Variants in EYS observed in about 807,000 individuals in gnomAD.
EYS encodes the protein EGF-like photoreceptor maintenance factor, also known as protein eyes shut homolog.
In EYS, 250 loss-of-function variants were observed where a neutral mutation model predicts 282.1. The observed-to-expected ratio is 0.89, with a 90% CI of 0.80 to 0.98. The LOEUF is 0.98. Ranked by LOEUF, EYS falls within the 50% of genes least tolerant of loss-of-function variation. EYS has a pLI of 0.00. For synonymous variants in EYS, 1,355 were observed against 1,282.9 expected (o/e 1.06, Z -1.20); for missense variants, 4,016 against 3,709.0 (o/e 1.08, Z -2.15).
intron 26 of EYS, among the ~76,000 whole-genome samples, chr6:64,480,265 A>T (rs2150498824): frequency 6.6e-6 from 1 of 151,972 alleles, no homozygotes; most frequent in Admixed American, 6.6e-5. Context: ...CACCTCCAGG[A>T]GTTATAGTAA....
rs186709727 is a variant in EYS, at chr6:65,369,852, T to C, written c.1299+14534A>G. Among the ~76,000 whole-genome samples the C allele has an allele frequency of 2.6e-5, 4 of 151,678 alleles. No individual in the cohort carries two copies. In the Admixed American group the frequency reaches 2.7e-4, roughly 10 times the overall value. On this transcript the variant is annotated intron_variant, in intron 8 of 42. Transcript: ENST00000503581. ...AAATCACACTTGGTTCCTTCAGGGA[T>C]CTTCCTGATTCTGACTCTAACTATT...
intron 28 of EYS, among the ~76,000 whole-genome samples, chr6:64,423,080 AGGATT>A (rs1183536541): frequency 6.6e-6 from 1 of 152,136 alleles, no homozygotes; most frequent in Non-Finnish European, 1.5e-5. Flanking sequence ...TCACTCAGTA[AGGATT>A]TACTGATTTT....
intron 12 of EYS, among the ~76,000 whole-genome samples, chr6:65,161,020 A>G (rs1764839391): frequency 1.3e-5 from 2 of 150,696 alleles, no homozygotes; most frequent in Non-Finnish European, 3.0e-5. Flanking sequence ...CTAAGCCACA[A>G]AGTTTTCATG....
intron 15 of EYS, among the ~76,000 whole-genome samples, chr6:64,923,351 C>G (rs1469781194): frequency 1.3e-5 from 2 of 152,114 alleles, no homozygotes; most frequent in Non-Finnish European, 2.9e-5. Flanking sequence ...AGACCTGCCT[C>G]CATGATTCAA....
At chr6:65,480,374 AT>A (rs1418747536) in intron 5 of EYS, among the ~76,000 whole-genome samples, 1 of 152,124 alleles carries the variant, frequency 6.6e-6, no homozygotes, top group African/African-American at 2.4e-5. Context: ...CCTTATATAA[AT>A]ATACACAGAT....
intron 26 of EYS, among the ~76,000 whole-genome samples, chr6:64,586,376 A>AT (rs1020112365): frequency 2.6e-5 from 4 of 152,042 alleles, no homozygotes; most frequent in South Asian, 4.1e-4. Context: ...CACTTAATGC[A>AT]TTTTTTCCAT....
chr6:64,399,761 G>A (rs1317099133), intron 28 of EYS, among the ~76,000 whole-genome samples: 1 of 151,776 alleles, frequency 6.6e-6, no homozygotes, highest in African/African-American at 2.4e-5. Flanking sequence ...CCTGATGTAT[G>A]GAGAGTATCA....
At chr6:65,568,501 C>CA (rs1294328420) in intron 2 of EYS, among the ~76,000 whole-genome samples, 1 of 152,114 alleles carries the variant, frequency 6.6e-6, no homozygotes, top group East Asian at 1.9e-4. Flanking sequence ...AAGGCCCCCT[C>CA]ACTAGCTATT....
chr6:64,677,595 A>G (rs1039999102), intron 22 of EYS, among the ~76,000 whole-genome samples: 1 of 152,148 alleles, frequency 6.6e-6, no homozygotes, highest in Non-Finnish European at 1.5e-5. Context: ...TTTATTTTAT[A>G]GTTTGGTAAT....
chr6:63,948,226 C>T (rs1436015656), intron 35 of EYS, among the ~76,000 whole-genome samples: 1 of 152,146 alleles, frequency 6.6e-6, no homozygotes, highest in East Asian at 1.9e-4. Flanking sequence ...TGCGATCTGT[C>T]CTTTCTTTGT....
At chr6:65,545,792 G>C (rs945974791) in intron 2 of EYS, among the ~76,000 whole-genome samples, 6 of 151,920 alleles carry the variant, frequency 3.9e-5, no homozygotes, top group African/African-American at 1.4e-4. Context: ...AATTTACAAA[G>C]ACCAATTATT....
intron 31 of EYS, among the ~76,000 whole-genome samples, chr6:64,183,984 C>A (rs1764859342): frequency 6.6e-6 from 1 of 152,040 alleles, no homozygotes; most frequent in Non-Finnish European, 1.5e-5. Flanking sequence ...AAGCAAAATA[C>A]TCCCATCTTA....
chr6:64,548,499 T>TA (rs913143363), intron 26 of EYS, among the ~76,000 whole-genome samples: 4 of 152,074 alleles, frequency 2.6e-5, no homozygotes, highest in African/African-American at 9.7e-5. Flanking sequence ...TATTCAGTCA[T>TA]AAAAAAGGAT....
chr6:65,369,802 A>T (rs993783845), intron 8 of EYS, among the ~76,000 whole-genome samples: 1 of 151,614 alleles, frequency 6.6e-6, no homozygotes, highest in Non-Finnish European at 1.5e-5. Context: ...GTCTTTAGAC[A>T]TTGCCACATA....
intron 11 of EYS, among the ~76,000 whole-genome samples, chr6:65,320,503 T>C (rs1769444954): frequency 6.6e-6 from 1 of 152,142 alleles, no homozygotes; most frequent in African/African-American, 2.4e-5. Context: ...TAACTTCCCC[T>C]ATTGTAGATT....
chr6:64,424,049 A>C (rs1209005029), intron 28 of EYS, among the ~76,000 whole-genome samples: 2 of 151,828 alleles, frequency 1.3e-5, no homozygotes, highest in African/African-American at 4.8e-5. Flanking sequence ...AATAAAATTA[A>C]GTTTCCATTT....
chr6:65,211,612 T>C (rs565949808), intron 12 of EYS, among the ~76,000 whole-genome samples: 1 of 152,162 alleles, frequency 6.6e-6, no homozygotes, highest in Non-Finnish European at 1.5e-5. Flanking sequence ...TTCTTGCATC[T>C]ATCCATACCC....
chr6:64,122,360 G>A (rs570880908), intron 31 of EYS, among the ~76,000 whole-genome samples: 24 of 152,058 alleles, frequency 1.6e-4, no homozygotes, highest in Non-Finnish European at 3.2e-4. Context: ...AATTAGTAGA[G>A]TAACTCATTA....
intron 41 of EYS, among the ~76,000 whole-genome samples, chr6:63,738,786 C>T (rs932557055): frequency 2.0e-5 from 3 of 152,036 alleles, no homozygotes; most frequent in African/African-American, 4.8e-5. Flanking sequence ...AAAAAATTCT[C>T]CATTTTCCCT....
Sources: gnomAD v4.1 joint callset for allele counts (sites outside exome capture counted in the v4.1 genomes callset) on GRCh38, gnomAD v4.1.1 for gene constraint, MANE v1.5 for transcripts, NCBI Gene and HGNC (gene_info 2026-07-23, HGNC 2026-07-21) for gene names.